RADX: variants seen among roughly 807,000 people sequenced by gnomAD.
RADX encodes RPA1 related single stranded DNA binding protein, X-linked.
In RADX, 36 loss-of-function variants were observed where a neutral mutation model predicts 61.6. The ratio of observed to expected loss-of-function variants is 0.58; its 90% confidence interval spans 0.45 to 0.77. The LOEUF (loss-of-function observed/expected upper bound fraction) is 0.77, where lower values mean the gene tolerates loss of function less well. Ranked by LOEUF, RADX falls within the 30% of genes least tolerant of loss-of-function variation. RADX has a pLI of 0.00. For missense variants in RADX, 497 were observed against 651.1 expected (o/e 0.76, Z 2.58); for synonymous variants, 272 against 237.9 (o/e 1.14, Z -1.32).
chrX:106,622,212 T>G (rs1340049982), intron 1 of RADX, among the ~76,000 whole-genome samples: 1 of 111,415 alleles, frequency 9.0e-6, no homozygotes, highest in Admixed American at 9.5e-5. Flanking sequence ...GTGCTCAGAT[T>G]ATAGGCATTA....
chrX:106,617,020 G>GTTTTTTTTTTT (rs60413185), intron 1 of RADX, among the ~76,000 whole-genome samples: 2 of 54,544 alleles, frequency 3.7e-5, no homozygotes, highest in African/African-American at 1.7e-4. Context: ...GTGTGTGTGG[G>GTTTTTTTTTTT]TTTTTTTTTT....
chrX:106,649,250 G>A (rs1021663385), intron 11 of RADX, among the ~76,000 whole-genome samples: 8 of 110,546 alleles, frequency 7.2e-5, no homozygotes. Context: ...ATAATTTGCG[G>A]ACTTATGGAG....
chrX:106,620,872 T>G (rs901600604), intron 1 of RADX, among the ~76,000 whole-genome samples: 1 of 112,139 alleles, frequency 8.9e-6, no homozygotes, highest in Non-Finnish European at 1.9e-5. Flanking sequence ...GTAAACAGCC[T>G]CTAATTCTTT....
At chrX:106,645,878 C>A (rs747464620) in intron 10 of RADX, among the ~76,000 whole-genome samples, 4 of 110,795 alleles carry the variant, frequency 3.6e-5, no homozygotes, top group Non-Finnish European at 5.7e-5. Flanking sequence ...TATTGTATTG[C>A]GGCCTATCTG....
Position 106,612,097 on chromosome X carries a change from G to A in RADX, c.17G>A (p.Gly6Glu), listed in dbSNP as rs1336202093. ...TATCCAACAATGTCTGGTGAGTCAG[G>A]ACAGCCTGAGGCTGGTCCCTCACAT... MSGES[G>E]QPEAGPSHAG... Residue 6 changes from glycine to glutamate, a missense_variant, in exon 1 of 14, where the codon GGA (glycine) becomes GAA (glutamate). Physicochemically the swap from Gly to Glu is moderately conservative, Grantham distance 98. Coordinates refer to ENST00000372548, the MANE Select transcript of RADX (RefSeq NM_018015.6). 1.7e-6 allele frequency: 2 copies of A among 1,207,973 alleles called. No homozygotes were observed. Among genetic ancestry groups the A allele is most frequent in the Non-Finnish European group, 2.2e-6 (2 of 893,708 alleles).
At chrX:106,617,849 T>G (rs189733512) in intron 1 of RADX, among the ~76,000 whole-genome samples, 33 of 111,461 alleles carry the variant, frequency 3.0e-4, no homozygotes, top group African/African-American at 1.1e-3. Context: ...AAATGAGCAA[T>G]GGGAATTGGA....
chrX:106,613,158 G>A (rs1201897492), intron 1 of RADX, among the ~76,000 whole-genome samples: 1 of 112,047 alleles, frequency 8.9e-6, no homozygotes, highest in African/African-American at 3.2e-5. Context: ...AAAAATTTGC[G>A]GGTTTGCATG....
chrX:106,664,242 T>G (rs1603059723), intron 12 of RADX, among the ~76,000 whole-genome samples: 1 of 109,359 alleles, frequency 9.1e-6, no homozygotes, highest in Non-Finnish European at 1.9e-5. Context: ...ATTGTTATTG[T>G]TTTTTTTCTG....
intron 10 of RADX, among the ~76,000 whole-genome samples, chrX:106,644,777 C>CTTGCAGAATGGGT (rs1927615397): frequency 9.0e-6 from 1 of 111,042 alleles, no homozygotes; most frequent in South Asian, 3.7e-4. Context: ...TAATACTGGC[C>CTTGCAGAATGGGT]TTGCAGAATG....
chrX:106,625,901 T>C (rs1195064848), intron 3 of RADX, among the ~76,000 whole-genome samples: 1 of 111,306 alleles, frequency 9.0e-6, no homozygotes, highest in Non-Finnish European at 1.9e-5. Context: ...TATTTCAGTG[T>C]ATATTTTCTA....
At chrX:106,650,168 T>C (rs1227327652) in intron 11 of RADX, among the ~76,000 whole-genome samples, 2 of 111,126 alleles carry the variant, frequency 1.8e-5, no homozygotes, top group African/African-American at 6.5e-5. Flanking sequence ...GAGCTTCCTG[T>C]ATCTCCTGGG....
intron 11 of RADX, among the ~76,000 whole-genome samples, chrX:106,659,030 G>C (rs909391109): frequency 9.1e-6 from 1 of 109,802 alleles, no homozygotes; most frequent in African/African-American, 3.3e-5. Flanking sequence ...GCACGATCAT[G>C]GCTCACTGCA....
chrX:106,653,617 G>A (rs780761619), intron 11 of RADX, among the ~76,000 whole-genome samples: 2 of 108,994 alleles, frequency 1.8e-5, no homozygotes, highest in South Asian at 7.9e-4. Context: ...TATACGTGCC[G>A]TGATGGTTTG....
chrX:106,628,071 A>G, intron 3 of RADX, among the ~76,000 whole-genome samples: 1 of 111,238 alleles, frequency 9.0e-6, no homozygotes, highest in Non-Finnish European at 1.9e-5. Context: ...CCTGACCTCA[A>G]ATGATCTACC....
rs1188836978 is a variant in RADX, at chrX:106,678,314, C to A, written c.*56C>A. 26 of 844,786 alleles carry A rather than the reference C, an allele frequency of 3.1e-5. No homozygotes were observed. The highest frequency in any genetic ancestry group is 4.0e-5 in the Non-Finnish European group (24 of 603,549). The allele number at this position is 844,786 out of a possible 1,213,427, so 69.6% of individuals were successfully genotyped here. A position where few individuals can be genotyped will look rare whatever the true frequency, so the allele number is the denominator to read the frequency against. On this transcript the variant is annotated 3_prime_UTR_variant, in exon 14 of 14. Coordinates refer to ENST00000372548, the MANE Select transcript of RADX (RefSeq NM_018015.6). ...ACGAGTGTACTGCTTTAAAGATATT[C>A]CATCATTTTGCTGGTAATTTCAGTA...
At chrX:106,676,244 T>A (rs1438178683) in intron 13 of RADX, among the ~76,000 whole-genome samples, 1 of 112,508 alleles carries the variant, frequency 8.9e-6, no homozygotes, top group East Asian at 2.8e-4. Context: ...TTTAGTGAAC[T>A]TATACAATTT....
intron 10 of RADX, 83 bp downstream of exon 10, chrX:106,640,804 G>T (rs1455797849): frequency 1.5e-6 from 1 of 683,273 alleles, no homozygotes; most frequent in African/African-American, 2.2e-5. Context: ...AATTATCGTA[G>T]AAGCTGTATT....
chrX:106,641,232 A>G (rs773091156), intron 10 of RADX, among the ~76,000 whole-genome samples: 2 of 110,480 alleles, frequency 1.8e-5, no homozygotes, highest in Non-Finnish European at 3.8e-5. Context: ...GGACTTCATC[A>G]TATGAATTTT....
intron 11 of RADX, among the ~76,000 whole-genome samples, chrX:106,661,766 A>G (rs1355005688): frequency 8.9e-6 from 1 of 112,108 alleles, no homozygotes; most frequent in Non-Finnish European, 1.9e-5. Context: ...AATCTACATA[A>G]TTACAACAAC....
Sources: allele counts gnomAD v4.1 joint callset (sites outside exome capture counted in the v4.1 genomes callset), GRCh38; gene constraint gnomAD v4.1.1; transcripts MANE v1.5; gene names NCBI Gene and HGNC (gene_info 2026-07-23, HGNC 2026-07-21).